FOXP1: variants seen among roughly 807,000 people sequenced by gnomAD.
FOXP1 encodes forkhead box protein P1.
In FOXP1, 15 loss-of-function variants were observed where a neutral mutation model predicts 98.2. The observed-to-expected ratio is 0.15, with a 90% CI of 0.10 to 0.24. FOXP1 has a LOEUF of 0.24. FOXP1 is among the 10% of genes least tolerant of loss of function. The pLI is 1.00. For missense variants in FOXP1, 633 were observed against 848.5 expected, an observed-to-expected ratio of 0.75 and a Z score of 3.15; for synonymous variants, 371 against 314.5, an observed-to-expected ratio of 1.18 and a Z score of -1.90.
chr3:71,381,022 A>C (rs1172620199), intron 3 of FOXP1, among the ~76,000 whole-genome samples: 1 of 152,218 alleles, frequency 6.6e-6, no homozygotes, highest in Non-Finnish European at 1.5e-5. Context: ...GAGTAGCACA[A>C]ATGAATGTCC....
chr3:71,174,018 T>G (rs1194531553), intron 6 of FOXP1, among the ~76,000 whole-genome samples: 1 of 152,240 alleles, frequency 6.6e-6, no homozygotes, highest in Non-Finnish European at 1.5e-5. Context: ...CATCTATGCA[T>G]GGTCTAGGAA....
intron 5 of FOXP1, among the ~76,000 whole-genome samples, chr3:71,241,792 C>T (rs937711860): frequency 6.6e-6 from 1 of 152,132 alleles, no homozygotes; most frequent in African/African-American, 2.4e-5. Context: ...TTAAATTACA[C>T]CATAATTAGC....
chr3:71,085,749 T>TTTTTTTTTTTTTTTTTTTTTTTTTTAA (rs2055006693), intron 7 of FOXP1, among the ~76,000 whole-genome samples: 1 of 139,452 alleles, frequency 7.2e-6, no homozygotes, highest in Admixed American at 7.4e-5. Flanking sequence ...TTTTTTTTTT[T>TTTTTTTTTTTTTTTTTTTTTTTTTTAA]ACATGGAGTC....
chr3:71,095,282 T>A (rs2056345268), intron 7 of FOXP1, among the ~76,000 whole-genome samples: 1 of 152,202 alleles, frequency 6.6e-6, no homozygotes, highest in African/African-American at 2.4e-5. Context: ...TGCCATTAGA[T>A]GGTGGGTATC....
At chr3:71,043,533 C>A (rs1475498158) in intron 10 of FOXP1, among the ~76,000 whole-genome samples, 1 of 152,166 alleles carries the variant, frequency 6.6e-6, no homozygotes, top group Non-Finnish European at 1.5e-5. Flanking sequence ...GACCCTCAGA[C>A]CACTGTTTAC....
At chr3:71,582,981 G>A (rs567684915) in intron 1 of FOXP1, among the ~76,000 whole-genome samples, 1 of 152,230 alleles carries the variant, frequency 6.6e-6, no homozygotes, top group African/African-American at 2.4e-5. Context: ...CGCGGGGAAA[G>A]AAGGGGAAAA....
At chr3:71,378,986 G>GT (rs1288656518) in intron 3 of FOXP1, among the ~76,000 whole-genome samples, 3 of 152,024 alleles carry the variant, frequency 2.0e-5, no homozygotes, top group Admixed American at 2.0e-4. Flanking sequence ...AAATATTTAC[G>GT]TTTTGGCTAA....
chr3:70,976,483 T>G (rs955999336), intron 17 of FOXP1, among the ~76,000 whole-genome samples: 15 of 152,214 alleles, frequency 9.9e-5, no homozygotes. Context: ...TCTCTACTAA[T>G]TGGGTTAATG....
chr3:71,423,261 T>C (rs148680027), intron 3 of FOXP1, among the ~76,000 whole-genome samples: 4 of 152,230 alleles, frequency 2.6e-5, no homozygotes, highest in South Asian at 2.1e-4. Flanking sequence ...GAGAGAGACA[T>C]AAGAATTGTG....
chr3:71,017,119 G>A (rs2044616618), intron 11 of FOXP1, among the ~76,000 whole-genome samples: 1 of 152,142 alleles, frequency 6.6e-6, no homozygotes, highest in Non-Finnish European at 1.5e-5. Flanking sequence ...AGTAGCTATA[G>A]TGAGATTTAT....
intron 7 of FOXP1, among the ~76,000 whole-genome samples, chr3:71,103,872 A>G (rs2057195565): frequency 6.6e-6 from 1 of 152,160 alleles, no homozygotes; most frequent in South Asian, 2.1e-4. Flanking sequence ...GGAAAACACT[A>G]CATCACTTGA....
chr3:71,565,430 A>G (rs1463045786), intron 2 of FOXP1, among the ~76,000 whole-genome samples: 3 of 152,002 alleles, frequency 2.0e-5, no homozygotes, highest in Non-Finnish European at 4.4e-5. Context: ...CTAAATACAC[A>G]TATTTGGTGG....
intron 6 of FOXP1, among the ~76,000 whole-genome samples, chr3:71,174,785 T>TACACACACACACACACACACACACAC (rs3064896): frequency 5.3e-5 from 7 of 131,678 alleles, no homozygotes; most frequent in Non-Finnish European, 8.2e-5. Context: ...TGCACATGCA[T>TACACACACACACACACACACACACAC]ACACACACAC....
At chr3:71,269,968 T>C (rs1045813577) in intron 5 of FOXP1, among the ~76,000 whole-genome samples, 2 of 152,236 alleles carry the variant, frequency 1.3e-5, no homozygotes, top group Admixed American at 6.5e-5. Flanking sequence ...TGTTGATTTC[T>C]TCTATACTTT....
In FOXP1 at chr3:71,158,727, CAA is replaced by C. The variant is rs71104421; in HGVS notation, c.180+39473_180+39474del. Among the ~76,000 whole-genome samples, 363 of 113,008 alleles carry C rather than the reference CAA, an allele frequency of 3.2e-3. 1 individual carries two copies. The highest frequency in any genetic ancestry group is 5.0e-3 in the African/African-American group (145 of 29,286). The allele number at this position is 113,008 out of a possible 152,430, so 74.1% of individuals were successfully genotyped here. ...TGGAATTCTCTTTCAGCCCACAGACCAAAAAAAAAAAAAAAAAAAGGTAAATG... is the reference window on the plus strand; with the variant it reads ...TGGAATTCTCTTTCAGCCCACAGACCAAAAAAAAAAAAAAAAAGGTAAATG... On this transcript the variant is annotated intron_variant, in intron 6 of 20. Coordinates refer to ENST00000649528, the MANE Select transcript of FOXP1 (RefSeq NM_001349338.3).
At chr3:71,433,226 C>A (rs1371654878) in intron 3 of FOXP1, among the ~76,000 whole-genome samples, 1 of 152,160 alleles carries the variant, frequency 6.6e-6, no homozygotes, top group East Asian at 1.9e-4. Flanking sequence ...TATTGACATA[C>A]AAGGACCCTG....
chr3:71,003,095 C>A (rs1385466385), intron 12 of FOXP1, among the ~76,000 whole-genome samples: 1 of 152,214 alleles, frequency 6.6e-6, no homozygotes, highest in Non-Finnish European at 1.5e-5. Context: ...CCAGATGCTA[C>A]TGGAAGCTGG....
chr3:71,519,245 C>G (rs2107427049), intron 2 of FOXP1, among the ~76,000 whole-genome samples: 1 of 152,170 alleles, frequency 6.6e-6, no homozygotes, highest in East Asian at 1.9e-4. Context: ...GACTGCATCT[C>G]AAAACTAACT....
chr3:71,334,820 A>G lies in FOXP1; in HGVS notation c.-73+24330T>C, dbSNP rs534569523. 2.6e-5 allele frequency: 4 copies of G among 152,370 alleles called. No individual in the cohort carries two copies. The East Asian group carries it at 7.7e-4, about 29-fold the overall frequency. The allele number at this position is 152,370 out of a possible 1,614,324, so 9.4% of individuals were successfully genotyped here. ...GAAATGAAGTTTAGACAAAATGACT[A>G]CAGACATTGACATAAGGACTGAAGA... On this transcript the variant is annotated intron_variant, in intron 4 of 20. Coordinates refer to ENST00000649528, the MANE Select transcript of FOXP1 (RefSeq NM_001349338.3).
Sources: allele counts gnomAD v4.1 joint callset (sites outside exome capture counted in the v4.1 genomes callset), GRCh38; gene constraint gnomAD v4.1.1; transcripts MANE v1.5; gene names NCBI Gene and HGNC (gene_info 2026-07-23, HGNC 2026-07-21).